The following RIMBP2 variants were observed in gnomAD, a reference collection of about 807,000 sequenced individuals.
RIMBP2 encodes RIMS binding protein 2, also known as RIMS-binding protein 2.
RIMBP2 carries 48 observed loss-of-function variants against 118.6 expected under a neutral mutation model. The ratio of observed to expected loss-of-function variants is 0.40; its 90% CI spans 0.32 to 0.51. The LOEUF is 0.51. RIMBP2 is among the 20% of genes least tolerant of loss of function. RIMBP2 has a pLI of 0.41. For missense variants in RIMBP2, 1,551 were observed against 1,768.3 expected (o/e 0.88, Z 2.20); for synonymous variants, 762 against 742.9 (o/e 1.03, Z -0.42).
chr12:130,591,211 G>T (rs1485367648), intron 2 of RIMBP2, among the ~76,000 whole-genome samples: 1 of 152,210 alleles, frequency 6.6e-6, no homozygotes, highest in South Asian at 2.1e-4. Context: ...GTTCTGACAT[G>T]GACCCAGCAC....
At chr12:130,642,906 G>T (rs1011111704) in intron 1 of RIMBP2, among the ~76,000 whole-genome samples, 3 of 152,210 alleles carry the variant, frequency 2.0e-5, no homozygotes, top group African/African-American at 7.2e-5. Context: ...CTCACTGAGA[G>T]AGGGGCTAGA....
chr12:130,713,911 C>T (rs1302534698), intron 1 of RIMBP2, among the ~76,000 whole-genome samples: 1 of 152,192 alleles, frequency 6.6e-6, no homozygotes, highest in African/African-American at 2.4e-5. Context: ...GCCTCCTGGT[C>T]ACGCTGTATT....
At chr12:130,641,357 CTCGGCCCGGCT>C (rs1464154759) in intron 1 of RIMBP2, among the ~76,000 whole-genome samples, 18 of 144,986 alleles carry the variant, frequency 1.2e-4, no homozygotes, top group African/African-American at 3.7e-4. Context: ...CTGCCGGACA[CTCGGCCCGGCT>C]TCACGGGCTG....
At chr12:130,674,972 G>A (rs1457585584) in intron 1 of RIMBP2, among the ~76,000 whole-genome samples, 6 of 152,300 alleles carry the variant, frequency 3.9e-5, no homozygotes, top group Middle Eastern at 3.4e-3. Context: ...AGATTCCATC[G>A]TGTGGATGGA....
intron 2 of RIMBP2, among the ~76,000 whole-genome samples, chr12:130,564,870 T>C (rs1413187034): frequency 6.6e-6 from 1 of 152,200 alleles, no homozygotes; most frequent in Non-Finnish European, 1.5e-5. Flanking sequence ...GTAGACTCAA[T>C]TTAAGTGTTC....
At chr12:130,500,810 G>A (rs2049689410) in intron 4 of RIMBP2, among the ~76,000 whole-genome samples, 1 of 152,294 alleles carries the variant, frequency 6.6e-6, no homozygotes, top group East Asian at 1.9e-4. Flanking sequence ...TGCTAGATGA[G>A]AACGGTGGCC....
intron 2 of RIMBP2, among the ~76,000 whole-genome samples, chr12:130,556,011 T>C (rs983553797): frequency 1.3e-5 from 2 of 152,034 alleles, no homozygotes; most frequent in African/African-American, 4.8e-5. Flanking sequence ...GCATGGCAGG[T>C]GAGCCTCTGC....
At chr12:130,402,556 T>C (rs1291930072) in intron 21 of RIMBP2, among the ~76,000 whole-genome samples, 1 of 152,118 alleles carries the variant, frequency 6.6e-6, no homozygotes, top group Non-Finnish European at 1.5e-5. Context: ...TAACTTTCTC[T>C]AAAAAAATTT....
Position 130,487,080 on chromosome 12 carries a change from C to G in RIMBP2, c.-3-8064G>C, listed in dbSNP as rs1022506281. 2.0e-5 allele frequency among the ~76,000 whole-genome samples: 3 copies of G among 152,390 alleles called. No homozygotes were observed. In the East Asian group the frequency reaches 5.8e-4, roughly 29 times the overall value. On this transcript the variant is annotated intron_variant, in intron 4 of 22. Coordinates refer to ENST00000690449, the MANE Select transcript of RIMBP2 (RefSeq NM_001393629.1). Reference sequence around the variant, plus strand: ...TCTTCTCTGCCCTCACCTCTCACCTCTGCCCCTTCCTCACTGTGCTTTTGC... The same window carrying G: ...TCTTCTCTGCCCTCACCTCTCACCTGTGCCCCTTCCTCACTGTGCTTTTGC...
chr12:130,704,385 G>A (rs1364067573), intron 1 of RIMBP2, among the ~76,000 whole-genome samples: 2 of 152,124 alleles, frequency 1.3e-5, no homozygotes, highest in South Asian at 2.1e-4. Context: ...AGACCAACTG[G>A]CCAAATTGGC....
rs751901009 is a variant in RIMBP2 at position 130,451,232 on chromosome 12, G to A, written c.467C>T (p.Ser156Leu). ...TCTGCATCTTGCGCTACCGGATCTC[G>A]ACAGGAAGGTGGGCTTGGCGGACAG... ...EPLSAKPTFL[S>L]RSGSARCRSE... The change falls in exon 8 of 23, where the codon TCG becomes TTG. Residue 156 changes from serine (S) to leucine (L), a missense_variant. By Grantham distance (145) the Ser-to-Leu change is moderately radical (BLOSUM62 -2). This residue lies in a region of RIMBP2 where 239 missense variants were observed against 256.8 expected (regional missense o/e 0.93). Coordinates refer to ENST00000690449, the MANE Select transcript of RIMBP2 (RefSeq NM_001393629.1). 11 of 1,614,042 alleles carry A rather than the reference G, an allele frequency of 6.8e-6. No individual in the cohort carries two copies. Among genetic ancestry groups the A allele is most frequent in the South Asian group, 5.5e-5 (5 of 91,086 alleles).
At chr12:130,417,864 T>TG (rs113499317) in intron 17 of RIMBP2, among the ~76,000 whole-genome samples, 33,352 of 151,290 alleles carry the variant, frequency 0.22, 4,293 homozygotes, top group East Asian at 0.37. Context: ...GGAGAGAGAA[T>TG]GGGAGGGGAG....
chr12:130,699,416 A>G (rs1246950630), intron 1 of RIMBP2, among the ~76,000 whole-genome samples: 1 of 151,790 alleles, frequency 6.6e-6, no homozygotes, highest in African/African-American at 2.4e-5. Flanking sequence ...TGATGAGTTC[A>G]TGTCCTTTGT....
chr12:130,615,278 TA>T (rs1566372052), intron 2 of RIMBP2, among the ~76,000 whole-genome samples: 4 of 117,196 alleles, frequency 3.4e-5, no homozygotes, highest in Non-Finnish European at 7.3e-5. Flanking sequence ...TACACATACA[TA>T]TATATATATA....
chr12:130,432,459 T>C (rs1368430458), intron 14 of RIMBP2, among the ~76,000 whole-genome samples: 1 of 152,196 alleles, frequency 6.6e-6, no homozygotes, highest in Non-Finnish European at 1.5e-5. Context: ...ACATTTGCTA[T>C]GGACTAAGTT....
chr12:130,594,060 C>G (rs977671066), intron 2 of RIMBP2, among the ~76,000 whole-genome samples: 1 of 152,208 alleles, frequency 6.6e-6, no homozygotes, highest in African/African-American at 2.4e-5. Flanking sequence ...TTTCCTTTTA[C>G]CCTCCTAACA....
chr12:130,433,118 C>T (rs571218325), intron 14 of RIMBP2, among the ~76,000 whole-genome samples: 72 of 152,280 alleles, frequency 4.7e-4, no homozygotes, highest in Non-Finnish European at 9.6e-4. Context: ...ACCCAGACCA[C>T]GCAACTCCAA....
intron 2 of RIMBP2, among the ~76,000 whole-genome samples, chr12:130,609,381 T>A (rs1307823847): frequency 6.6e-6 from 1 of 150,922 alleles, no homozygotes; most frequent in African/African-American, 2.4e-5. Flanking sequence ...AAAAATGAAA[T>A]CCTGACACTG....
chr12:130,440,586 C>T (rs953835105), intron 11 of RIMBP2, among the ~76,000 whole-genome samples: 6 of 152,192 alleles, frequency 3.9e-5, no homozygotes, highest in African/African-American at 1.2e-4. Flanking sequence ...ACGGAGTGCC[C>T]GTGTCTGGTG....
Sources: allele counts gnomAD v4.1 joint callset (sites outside exome capture counted in the v4.1 genomes callset), GRCh38; gene constraint gnomAD v4.1.1; regional missense constraint gnomAD v4.1.1; transcripts MANE v1.5; gene names NCBI Gene and HGNC (gene_info 2026-07-23, HGNC 2026-07-21).